Variants in KCNJ6 observed in about 807,000 individuals in gnomAD.
KCNJ6 encodes G protein-activated inward rectifier potassium channel 2.
KCNJ6 carries 9 observed loss-of-function variants against 34.2 expected under a neutral mutation model. The observed-to-expected ratio is 0.26, with a 90% CI of 0.16 to 0.46. The LOEUF (loss-of-function observed/expected upper bound fraction) is 0.46, where lower values mean the gene tolerates loss of function less well. KCNJ6 is among the 20% of genes least tolerant of loss of function. The pLI, the probability that KCNJ6 is intolerant of heterozygous loss-of-function variation, is 1.00. For missense variants in KCNJ6, 236 were observed against 531.3 expected (o/e 0.44, Z 5.46); for synonymous variants, 196 against 207.1 (o/e 0.95, Z 0.46).
chr21:37,752,389 C>T (rs563849378), intron 2 of KCNJ6, among the ~76,000 whole-genome samples: 1 of 152,270 alleles, frequency 6.6e-6, no homozygotes, highest in Non-Finnish European at 1.5e-5. Flanking sequence ...CAGTAGATTT[C>T]TATACACATG....
chr21:37,723,068 GAATTT>G (rs1040719743), intron 2 of KCNJ6, among the ~76,000 whole-genome samples: 6 of 151,990 alleles, frequency 3.9e-5, no homozygotes, highest in Non-Finnish European at 8.8e-5. Flanking sequence ...AATCTAAAAG[GAATTT>G]AATTTAACAA....
chr21:37,816,325 G>C lies in KCNJ6; in HGVS notation c.25+24333C>G, dbSNP rs142965355. Among the ~76,000 whole-genome samples the C allele has an allele frequency of 3.0e-3, 451 of 152,302 alleles. 3 individuals are homozygous for C. Among genetic ancestry groups the C allele is most frequent in the African/African-American group, 0.01 (420 of 41,558 alleles). On this transcript the variant is annotated intron_variant, in intron 2 of 3. Transcript: ENST00000609713. ...CTCAAAAATCCCTAGTAGGGCATCTGGGAGAAGCTATTGCAAGGGCTTGGG... is the reference window on the plus strand; with the variant it reads ...CTCAAAAATCCCTAGTAGGGCATCTCGGAGAAGCTATTGCAAGGGCTTGGG...
intron 2 of KCNJ6, among the ~76,000 whole-genome samples, chr21:37,774,835 C>A (rs551417902): frequency 7.4e-4 from 113 of 152,274 alleles, no homozygotes; most frequent in African/African-American, 2.6e-3. Flanking sequence ...TTTATAGCAG[C>A]ATGATTTATA....
At chr21:37,817,312 G>T (rs1025140193) in intron 2 of KCNJ6, among the ~76,000 whole-genome samples, 2 of 152,124 alleles carry the variant, frequency 1.3e-5, no homozygotes, top group Non-Finnish European at 2.9e-5. Flanking sequence ...ACCTCTCTGT[G>T]CTCCTCCTGC....
chr21:37,659,212 T>C (rs1310260458), intron 3 of KCNJ6, among the ~76,000 whole-genome samples: 2 of 152,174 alleles, frequency 1.3e-5, no homozygotes, highest in East Asian at 3.8e-4. Flanking sequence ...GGAAACTGAA[T>C]CACAGATCAG....
At chr21:37,843,084 T>C (rs2055489192) in intron 1 of KCNJ6, among the ~76,000 whole-genome samples, 1 of 152,100 alleles carries the variant, frequency 6.6e-6, no homozygotes, top group Admixed American at 6.6e-5. Context: ...CGCCAAACCA[T>C]AGGCGTCCAG....
intron 2 of KCNJ6, among the ~76,000 whole-genome samples, chr21:37,819,869 TG>T (rs1198545650): frequency 2.0e-5 from 3 of 151,944 alleles, no homozygotes; most frequent in African/African-American, 7.2e-5. Flanking sequence ...TTGCAACCTC[TG>T]CCCCCTGTGT....
rs986615662 is a variant in KCNJ6 at position 37,785,191 on chromosome 21, T to A, written c.25+55467A>T. Among the ~76,000 whole-genome samples, 3 of 152,196 alleles carry A rather than the reference T, an allele frequency of 2.0e-5. No homozygotes were observed. The South Asian group carries it at 6.2e-4, about 32-fold the overall frequency. ...CATTTGTGGAGGCTGAGATCCAGCATGGGCCCATGAGGATGAGAACCTGAG... is the reference window on the plus strand; with the variant it reads ...CATTTGTGGAGGCTGAGATCCAGCAAGGGCCCATGAGGATGAGAACCTGAG... On this transcript the variant is annotated intron_variant, in intron 2 of 3. Transcript: ENST00000609713.
At chr21:37,864,931 T>C (rs575549266) in intron 1 of KCNJ6, among the ~76,000 whole-genome samples, 2 of 151,724 alleles carry the variant, frequency 1.3e-5, no homozygotes, top group East Asian at 1.9e-4. Flanking sequence ...TCTTGAAATT[T>C]GGGGCTCAAG....
At chr21:37,737,550 T>C (rs1208882132) in intron 2 of KCNJ6, among the ~76,000 whole-genome samples, 1 of 152,214 alleles carries the variant, frequency 6.6e-6, no homozygotes, top group Non-Finnish European at 1.5e-5. Flanking sequence ...GCAGCTCTGA[T>C]CATAATTGAT....
chr21:37,708,512 AAAG>A (rs1359676861), intron 3 of KCNJ6, among the ~76,000 whole-genome samples: 1 of 152,232 alleles, frequency 6.6e-6, no homozygotes, highest in African/African-American at 2.4e-5. Context: ...GCTCAAAAAG[AAAG>A]GAGAGCTGGA....
chr21:37,698,987 C>T (rs1038210496), intron 3 of KCNJ6, among the ~76,000 whole-genome samples: 4 of 152,000 alleles, frequency 2.6e-5, no homozygotes, highest in African/African-American at 4.8e-5. Flanking sequence ...GTGTAAGCCA[C>T]GGCACCTGGC....
At chr21:37,742,343 G>A (rs1329173342) in intron 2 of KCNJ6, among the ~76,000 whole-genome samples, 1 of 152,206 alleles carries the variant, frequency 6.6e-6, no homozygotes, top group Non-Finnish European at 1.5e-5. Context: ...GCAGGTGGCT[G>A]CAGGCTGTGG....
intron 3 of KCNJ6, among the ~76,000 whole-genome samples, chr21:37,651,520 C>T (rs193033752): frequency 8.0e-4 from 122 of 151,894 alleles, no homozygotes; most frequent in African/African-American, 2.8e-3. Flanking sequence ...GGGATGATGG[C>T]GGGTAGATTG....
At position 37,618,115 on chromosome 21, in the gene KCNJ6, TGA is replaced by T. The variant is rs1421602496; in HGVS notation, c.*7042_*7043del. 6.6e-6 allele frequency: 1 copy of T among 152,272 alleles called. No individual in the cohort carries two copies. Among genetic ancestry groups the T allele is most frequent in the African/African-American group, 2.4e-5 (1 of 41,464 alleles). The allele number at this position is 152,272 out of a possible 1,614,324, so 9.4% of individuals were successfully genotyped here. Reference sequence around the variant, plus strand: ...TACCCATGCCCACAGTCAGCAATGCTGAGAGATGATGTCAGGGCGATGCCCGT... The same window carrying T: ...TACCCATGCCCACAGTCAGCAATGCTGAGATGATGTCAGGGCGATGCCCGT... On this transcript the variant is annotated 3_prime_UTR_variant, in exon 4 of 4. Transcript: ENST00000609713.
At position 37,745,979 on chromosome 21, in the gene KCNJ6, C is replaced by T. The variant is rs531477842; in HGVS notation, c.26-30848G>A. ...GGAAACCCAAGCTCAAGGTGCCGGC[C>T]GGTTCTGTTCCTAATGAGGGCTCTC... On this transcript the variant is annotated intron_variant, in intron 2 of 3. Coordinates refer to ENST00000609713, the MANE Select transcript of KCNJ6 (RefSeq NM_002240.5). Among the ~76,000 whole-genome samples the T allele has an allele frequency of 2.1e-3, 322 of 152,276 alleles. 1 individual carries two copies. The highest frequency in any genetic ancestry group is 3.9e-3 in the African/African-American group (163 of 41,548).
At chr21:37,820,720 A>C (rs2055369517) in intron 2 of KCNJ6, among the ~76,000 whole-genome samples, 7 of 152,258 alleles carry the variant, frequency 4.6e-5, no homozygotes, top group Admixed American at 4.6e-4. Context: ...TGGCAAACCC[A>C]AATATTCAGA....
chr21:37,806,691 A>C lies in KCNJ6; in HGVS notation c.25+33967T>G, dbSNP rs146943318. On this transcript the variant is annotated intron_variant, in intron 2 of 3. Transcript: ENST00000609713. ...CCATTTTCTAGTCATTAACTATACA[A>C]TCCTGATCTAAATTCACAAATATAA... Among the ~76,000 whole-genome samples the C allele has an allele frequency of 2.7e-3, 407 of 152,332 alleles. 2 individuals carry two copies. Among genetic ancestry groups the C allele is most frequent in the African/African-American group, 9.5e-3 (395 of 41,584 alleles).
At chr21:37,798,024 A>C (rs1271209457) in intron 2 of KCNJ6, among the ~76,000 whole-genome samples, 8 of 152,324 alleles carry the variant, frequency 5.3e-5, no homozygotes, top group East Asian at 1.9e-4. Context: ...CTAGTTGATA[A>C]GCTATAGCAA....
Sources: allele counts gnomAD v4.1 joint callset (sites outside exome capture counted in the v4.1 genomes callset), GRCh38; gene constraint gnomAD v4.1.1; transcripts MANE v1.5; gene names NCBI Gene and HGNC (gene_info 2026-07-23, HGNC 2026-07-21).